The following USP6 variants were observed in gnomAD, a reference collection of about 807,000 sequenced individuals.
USP6 encodes the protein ubiquitin specific peptidase 6.
Under a neutral mutation model 175.7 loss-of-function variants are expected in USP6, and 128 were observed. The ratio of observed to expected loss-of-function variants is 0.73; its 90% CI spans 0.63 to 0.84. The LOEUF is 0.84. Among genes scored for constraint, USP6 ranks in the 40% least tolerant of loss-of-function variants. The probability of loss-of-function intolerance (pLI) is 0.00; values close to 1 mark genes in which losing one functional copy is unlikely to be tolerated. For missense variants in USP6, 1,498 were observed against 1,760.3 expected (o/e 0.85, Z 2.67); for synonymous variants, 562 against 630.6 (o/e 0.89, Z 1.63).
intron 11 of USP6, among the ~76,000 whole-genome samples, chr17:5,131,793 G>A (rs1489288802): frequency 6.6e-6 from 1 of 151,402 alleles, no homozygotes; most frequent in African/African-American, 2.4e-5. Flanking sequence ...GAGAGACAGA[G>A]GATCCCAGGG....
At chr17:5,147,225 C>A (rs372516277) in intron 29 of USP6, 31 bp downstream of exon 29, 2 of 1,568,436 alleles carry the variant, frequency 1.3e-6, no homozygotes, top group Admixed American at 1.8e-5. Flanking sequence ...CTTCTCATGA[C>A]TGCACCTTTA....
In USP6 at chr17:5,172,971, T is replaced by A. The variant is rs1787260720; in HGVS notation, c.4214T>A (p.Leu1405Ter). ...TCTGATTACGAAAAGTACTCTATGT[T>A]ACAGTAAAGCTACCACTCTGGCTGC... ...SESDYEKYSM[L>*]Q Residue 1405 changes from leucine (L) to a stop codon, truncating the protein, a stop_gained, in exon 38 of 38, where the codon TTA becomes TAA. Coordinates refer to ENST00000574788, the MANE Select transcript of USP6 (RefSeq NM_001304284.2). LOFTEE classifies it high-confidence loss of function. 4 of 1,613,828 alleles carry A rather than the reference T, an allele frequency of 2.5e-6. No homozygotes were observed. Among genetic ancestry groups the A allele is most frequent in the Non-Finnish European group, 3.4e-6 (4 of 1,179,742 alleles).
chr17:5,151,180 ATAT>A (rs2073760622), intron 30 of USP6, among the ~76,000 whole-genome samples: 1 of 152,228 alleles, frequency 6.6e-6, no homozygotes, highest in Non-Finnish European at 1.5e-5. Flanking sequence ...TCAACTACAG[ATAT>A]TATTTATCTT....
intron 4 of USP6, 43 bp from the exon 5 acceptor site, chr17:5,124,523 A>G (rs1165325384): frequency 6.6e-6 from 1 of 152,308 alleles, no homozygotes; most frequent in Non-Finnish European, 1.5e-5. Flanking sequence ...ATTTTGTCCA[A>G]GTCTCCTCTT....
At chr17:5,144,644 T>C (rs1271077404) in intron 25 of USP6, 46 bp from the exon 26 acceptor site, 1 of 1,602,318 alleles carries the variant, frequency 6.2e-7, no homozygotes, top group East Asian at 2.2e-5. Context: ...TCATTCCAAA[T>C]TTTATGGGTA....
Position 5,172,877 on chromosome 17 carries a change from G to T in USP6, c.4120G>T (p.Ala1374Ser). The part of the protein sequence containing the change: ...LFYEQQGIDY[A>S]QFLPKIDGKK... ...CTATGAGCAGCAGGGGATAGACTAC[G>T]CACAATTTCTGCCAAAGATTGATGG... Residue 1374 changes from alanine (A) to serine (S), a missense_variant, in exon 38 of 38, where the codon GCA becomes TCA. Physicochemically the swap from Ala to Ser is moderately conservative, Grantham distance 99. This residue lies in a region of USP6 where 1,217 missense variants were observed against 1,500.8 expected (regional missense o/e 0.81). Transcript: ENST00000574788. 11 of 1,613,940 alleles carry T rather than the reference G, an allele frequency of 6.8e-6. No homozygotes were observed. Among genetic ancestry groups the T allele is most frequent in the Non-Finnish European group, 8.5e-6 (10 of 1,179,866 alleles).
chr17:5,157,216 G>T (rs908809342), intron 31 of USP6, among the ~76,000 whole-genome samples: 3 of 151,872 alleles, frequency 2.0e-5, no homozygotes, highest in African/African-American at 4.8e-5. Context: ...CTCCTGAGTC[G>T]CTGGGATTAC....
intron 22 of USP6, among the ~76,000 whole-genome samples, 191 bp downstream of exon 22, chr17:5,139,865 A>C (rs935012720): frequency 6.6e-6 from 1 of 152,120 alleles, no homozygotes; most frequent in African/African-American, 2.4e-5. Context: ...AGGCTTCTAG[A>C]AGCATCTGGG....
chr17:5,133,883 A>G lies in USP6; in HGVS notation c.385-4A>G. On this transcript the variant is annotated splice_polypyrimidine_tract_variant and splice_region_variant and intron_variant, in intron 14 of 37. Transcript: ENST00000574788. The stretch of plus-strand genomic sequence containing the variant: ...TGCTTCCTCCTCTTGGCCCTGCCCT[A>G]CAGATCATGAAGGAGAGGGGCAAGA... 2 of 1,613,786 alleles carry G rather than the reference A, an allele frequency of 1.2e-6. No individual in the cohort carries two copies. The highest frequency in any genetic ancestry group is 1.7e-6 in the Non-Finnish European group (2 of 1,179,746).
chr17:5,124,385 C>T (rs1203602277), intron 4 of USP6, among the ~76,000 whole-genome samples, 181 bp from the exon 5 acceptor site: 3 of 152,204 alleles, frequency 2.0e-5, no homozygotes, highest in Non-Finnish European at 2.9e-5. Flanking sequence ...CAGCTGTTGC[C>T]TGGCTTTCCA....
At position 5,136,553 on chromosome 17, in the gene USP6, G is replaced by C; in HGVS notation, c.665-87G>C. 5 of 1,515,028 alleles carry C rather than the reference G, an allele frequency of 3.3e-6. No homozygotes were observed. The Admixed American group carries it at 8.6e-5, about 26-fold the overall frequency. 93.8% of individuals were successfully genotyped at this position (1,515,028 alleles called of 1,614,324 possible). Reference sequence around the variant, plus strand: ...GGGCGGGAGGCCTTGGGGTTTGGGGGCCTCTGCAGCTGCCCAGCTCTTTCA... The same window carrying C: ...GGGCGGGAGGCCTTGGGGTTTGGGGCCCTCTGCAGCTGCCCAGCTCTTTCA... On this transcript the variant is annotated intron_variant, in intron 17 of 37. Transcript: ENST00000574788.
chr17:5,168,384 A>G (rs2074140337), intron 34 of USP6, among the ~76,000 whole-genome samples: 1 of 152,256 alleles, frequency 6.6e-6, no homozygotes, highest in Admixed American at 6.5e-5. Flanking sequence ...GTGCGATGTG[A>G]GAACTGCCAC....
chr17:5,151,048 G>A (rs530619522), intron 30 of USP6, among the ~76,000 whole-genome samples: 2 of 152,174 alleles, frequency 1.3e-5, no homozygotes, highest in Non-Finnish European at 2.9e-5. Flanking sequence ...AATCCAGGAT[G>A]ATCTTATCTT....
Position 5,137,135 on chromosome 17 carries a change from A to T in USP6, c.774A>T (p.Leu258=), listed in dbSNP as rs767618915. The change falls in exon 19 of 38, where the codon CTA becomes CTT. Residue 258 remains leucine, a synonymous_variant. Transcript: ENST00000574788. ...KTMWHQDKEG[L]CGQCASLGCL... is the part of the protein sequence containing the mutation. ...CATCCCATCAGGACAAGGAAGGTCT[A>T]TGCGGGCAGTGTGCCTCGTTAGGCT... The T allele has an allele frequency of 6.2e-7, 1 of 1,613,476 alleles. No individual in the cohort carries two copies.
chr17:5,118,460 G>A (rs1256004703), intron 2 of USP6, among the ~76,000 whole-genome samples, 170 bp downstream of exon 2: 3 of 152,276 alleles, frequency 2.0e-5, no homozygotes, highest in Non-Finnish European at 4.4e-5. Context: ...TGCTGCCCAA[G>A]TGGGGGTGCC....
chr17:5,166,653 G>T (rs919979107), intron 33 of USP6, among the ~76,000 whole-genome samples: 1 of 151,900 alleles, frequency 6.6e-6, no homozygotes, highest in Non-Finnish European at 1.5e-5. Context: ...AAGTCTTAAC[G>T]GTAGCATTCA....
At chr17:5,138,781 AG>A (rs1410376668) in intron 21 of USP6, among the ~76,000 whole-genome samples, 2 of 152,194 alleles carry the variant, frequency 1.3e-5, no homozygotes. Context: ...CCAGAGCCAG[AG>A]CCAAGAATTC....
rs2074261780 is a variant in USP6, at chr17:5,173,041, T to C, written c.*63T>C. 3.8e-6 allele frequency: 6 copies of C among 1,567,494 alleles called. No homozygotes were observed. Among genetic ancestry groups the C allele is most frequent in the Non-Finnish European group, 5.2e-6 (6 of 1,151,324 alleles). ...GGAGATGACTCCTTGTAGCTGATAC[T>C]TGGCAAAAGTGTCACTGAAAGACAA... On this transcript the variant is annotated 3_prime_UTR_variant, in exon 38 of 38. Coordinates refer to ENST00000574788, the MANE Select transcript of USP6 (RefSeq NM_001304284.2).
intron 2 of USP6, among the ~76,000 whole-genome samples, chr17:5,119,142 A>G (rs1332933204): frequency 6.6e-6 from 1 of 151,344 alleles, no homozygotes; most frequent in Non-Finnish European, 1.5e-5. Context: ...CCACACTCCA[A>G]TCACCCCTCT....
Sources: allele counts gnomAD v4.1 joint callset (sites outside exome capture counted in the v4.1 genomes callset), GRCh38; gene constraint gnomAD v4.1.1; regional missense constraint gnomAD v4.1.1; transcripts MANE v1.5; gene names NCBI Gene and HGNC (gene_info 2026-07-23, HGNC 2026-07-21).